The following KIF5A variants were observed in gnomAD, a reference collection of about 807,000 sequenced individuals.
The protein encoded by KIF5A is kinesin family member 5A.
A neutral mutation model predicts 141.3 loss-of-function variants in KIF5A; 35 were observed. That is an observed-to-expected ratio of 0.25 (90% CI 0.19 to 0.33). The LOEUF (loss-of-function observed/expected upper bound fraction) is 0.33, where lower values mean the gene tolerates loss of function less well. KIF5A is among the 10% of genes least tolerant of loss of function. The probability of loss-of-function intolerance (pLI) is 1.00; values close to 1 mark genes in which losing one functional copy is unlikely to be tolerated. For synonymous variants in KIF5A, 448 were observed against 500.2 expected (o/e 0.90, Z 1.39); for missense variants, 861 against 1,314.3 (o/e 0.66, Z 5.33).
At chr12:57,558,660 C>T (rs2140155862) in intron 1 of KIF5A, among the ~76,000 whole-genome samples, 1 of 152,342 alleles carries the variant, frequency 6.6e-6, no homozygotes, top group Admixed American at 6.5e-5. Context: ...GGCGACAGAG[C>T]AAGACTCTTG....
At chr12:57,569,502 T>A (rs753310506) in intron 10 of KIF5A, 33 bp from the exon 11 acceptor site, 10 of 1,614,014 alleles carry the variant, frequency 6.2e-6, no homozygotes, top group Non-Finnish European at 8.5e-6. Flanking sequence ...CTCATGTTGC[T>A]CTCATTTCTT....
rs2140159703 is a variant in KIF5A, at chr12:57,564,979, A to C, written c.501+6A>C. On this transcript the variant is annotated splice_donor_region_variant and intron_variant, in intron 6 of 28. Transcript: ENST00000455537. ...ACCGGGTGCCATTTGTCAAGGTGAGAGTGGGTGTGGGGCACCTATGTGGGG... is the reference window on the plus strand; with the variant it reads ...ACCGGGTGCCATTTGTCAAGGTGAGCGTGGGTGTGGGGCACCTATGTGGGG... 3.1e-6 allele frequency: 5 copies of C among 1,613,860 alleles called. No homozygotes were observed. The highest frequency in any genetic ancestry group is 3.4e-6 in the Non-Finnish European group (4 of 1,179,762).
At chr12:57,563,584 T>C in intron 2 of KIF5A, 36 bp from the exon 3 acceptor site, 1 of 1,611,016 alleles carries the variant, frequency 6.2e-7, no homozygotes, top group Non-Finnish European at 8.5e-7. Context: ...ACCCGACCTA[T>C]CTCCACCAGT....
At chr12:57,576,682 A>AAGTTTGAAG (rs1312298538) in intron 19 of KIF5A, 79 bp from the exon 20 acceptor site, 1 of 1,042,130 alleles carries the variant, frequency 9.6e-7, no homozygotes, top group African/African-American at 1.6e-5. Context: ...AAAAAGGAAG[A>AAGTTTGAAG]AGTTTGAAGA....
intron 1 of KIF5A, among the ~76,000 whole-genome samples, chr12:57,551,871 GGTCTCT>G (rs1881583531): frequency 8.3e-6 from 1 of 119,810 alleles, no homozygotes; most frequent in Non-Finnish European, 1.7e-5. Flanking sequence ...GGATGCTTTT[GGTCTCT>G]CTCTCTCTCT....
chr12:57,568,944 T>C lies in KIF5A; in HGVS notation c.715-19T>C. ...ATGTGCAGCTGCTCATACACACTCA[T>C]CTCTTACTGCCCTGGTAGGTCAGCA... On this transcript the variant is annotated intron_variant, in intron 8 of 28. Transcript: ENST00000455537. 6.3e-7 allele frequency: 1 copy of C among 1,585,086 alleles called. No individual in the cohort carries two copies. Among genetic ancestry groups the C allele is most frequent in the Non-Finnish European group, 8.7e-7 (1 of 1,154,538 alleles).
intron 8 of KIF5A, among the ~76,000 whole-genome samples, chr12:57,568,639 C>T (rs1329637008): frequency 3.3e-5 from 5 of 152,012 alleles, no homozygotes; most frequent in African/African-American, 4.8e-5. Flanking sequence ...GCAGGATAAC[C>T]GCTTGAACCT....
intron 19 of KIF5A, 51 bp downstream of exon 19, chr12:57,576,429 C>T: frequency 2.2e-6 from 3 of 1,360,854 alleles, no homozygotes; most frequent in Non-Finnish European, 3.1e-6. Context: ...TGTCACCTTG[C>T]TGTATTGACT....
chr12:57,568,586 G>T (rs1023609461), intron 8 of KIF5A, among the ~76,000 whole-genome samples: 1 of 152,104 alleles, frequency 6.6e-6, no homozygotes, highest in Admixed American at 6.5e-5. Context: ...TTAGCTGGGC[G>T]TGGTGGCACA....
rs771938131 is a variant in KIF5A at position 57,572,651 on chromosome 12, T to G, written c.1641T>G (p.Ile547Met). 1 of 1,614,196 alleles carries G rather than the reference T, an allele frequency of 6.2e-7. No individual in the cohort carries two copies. The highest frequency in any genetic ancestry group is 8.5e-7 in the Non-Finnish European group (1 of 1,180,042). ...QEVSGHQRKR[I>M]AEVLNGLMKD... The stretch of plus-strand genomic sequence containing the variant: ...TCAGTGGACACCAGCGAAAACGAAT[T>G]GCTGAGGTGCTGAACGGGCTGATGA... The change falls in exon 15 of 29, where the codon ATT (isoleucine) becomes ATG (methionine). Residue 547 changes from isoleucine (I) to methionine (M), a missense_variant. Coordinates refer to ENST00000455537, the MANE Select transcript of KIF5A (RefSeq NM_004984.4). This position sits in a 1 kb window ranked among gnomAD's most constrained non-coding sequence, Gnocchi z 4.2.
chr12:57,567,674 T>C, intron 8 of KIF5A, 56 bp downstream of exon 8: 2 of 1,524,778 alleles, frequency 1.3e-6, no homozygotes, highest in South Asian at 2.5e-5. Flanking sequence ...TTTTTTTTTT[T>C]TTTTGAGACA....
Position 57,583,083 on chromosome 12 carries a change from G to T in KIF5A, c.3021-18G>T, listed in dbSNP as rs768178863. ...TTTAATTTCTATGGAGCTGATCATG[G>T]TGGGTCTCTTCCTCCAGGAGTGACC... is the stretch of plus-strand genomic sequence containing the variant. On this transcript the variant is annotated intron_variant, in intron 27 of 28. Coordinates refer to ENST00000455537, the MANE Select transcript of KIF5A (RefSeq NM_004984.4). 2 of 1,605,840 alleles carry T rather than the reference G, an allele frequency of 1.2e-6. No individual in the cohort carries two copies. The highest frequency in any genetic ancestry group is 1.1e-5 in the South Asian group (1 of 90,716).
intron 18 of KIF5A, 42 bp from the exon 19 acceptor site, chr12:57,576,227 C>G: frequency 2.5e-6 from 4 of 1,610,852 alleles, no homozygotes; most frequent in Non-Finnish European, 3.4e-6. Context: ...GAGCTTGTTG[C>G]TGGGAGTCTG....
rs763226331 is a variant in KIF5A, at chr12:57,550,420, G to A, written c.129+20G>A. The A allele has an allele frequency of 5.0e-6, 8 of 1,613,698 alleles. No homozygotes were observed. Among genetic ancestry groups the A allele is most frequent in the Middle Eastern group, 3.3e-4 (2 of 6,040 alleles). On this transcript the variant is annotated intron_variant, in intron 1 of 28. Transcript: ENST00000455537. The surrounding 1 kb of genome is among the most constrained non-coding windows in gnomAD (Gnocchi z 4.6). ...ATTGGGGTGAGTGTCGCCCAGGAGG[G>A]AATTCGGGGAGGGGGCAGGTGGCTG...
intron 8 of KIF5A, 28 bp downstream of exon 8, chr12:57,567,646 G>T: frequency 6.3e-7 from 1 of 1,586,128 alleles, no homozygotes; most frequent in Non-Finnish European, 8.5e-7. Flanking sequence ...TATGGGGTGG[G>T]TGGAAGCCTT....
chr12:57,586,166 G>A lies in KIF5A; in HGVS notation c.*1985G>A, dbSNP rs8873. ...TGTCTCCAGACCCACTAGGGTGGAA[G>A]GAAGGTTCCTGTGGGCCTGTGGACT... On this transcript the variant is annotated 3_prime_UTR_variant, in exon 29 of 29. Transcript: ENST00000455537. The A allele has an allele frequency of 0.18, 27,042 of 152,070 alleles. 2,632 individuals carry two copies. Among genetic ancestry groups the A allele is most frequent in the East Asian group, 0.22 (1,129 of 5,168 alleles). 9.4% of individuals were successfully genotyped at this position (152,070 alleles called of 1,614,324 possible). A position where few individuals can be genotyped will look rare whatever the true frequency, so the allele number is the denominator to read the frequency against.
intron 24 of KIF5A, 110 bp downstream of exon 24, chr12:57,581,282 C>A: frequency 6.7e-7 from 1 of 1,497,694 alleles, no homozygotes; most frequent in Non-Finnish European, 9.2e-7. Flanking sequence ...TAGCCTCATC[C>A]CACTTCCCCC....
chr12:57,577,765 G>A lies in KIF5A; in HGVS notation c.2353G>A (p.Glu785Lys). ...CAAGCAGGACCTCAAGGGTCTGGAG[G>A]AGACAGTTGTGAGTGGTTCCCTTCT... ...QSKQDLKGLEETVARELQTLH... is the reference protein window; with the variant it reads ...QSKQDLKGLEKTVARELQTLH... The change falls in exon 21 of 29, where the codon GAG (glutamate) becomes AAG (lysine). Residue 785 changes from glutamate (E) to lysine (K), a missense_variant. Coordinates refer to ENST00000455537, the MANE Select transcript of KIF5A (RefSeq NM_004984.4). 1.9e-6 allele frequency: 3 copies of A among 1,613,654 alleles called. No individual in the cohort carries two copies. The highest frequency in any genetic ancestry group is 1.7e-6 in the Non-Finnish European group (2 of 1,179,568).
chr12:57,565,688 G>A lies in KIF5A; in HGVS notation c.501+715G>A, dbSNP rs112675284. Among the ~76,000 whole-genome samples, 1,039 of 143,444 alleles carry A rather than the reference G, an allele frequency of 7.2e-3. 7 individuals are homozygous for A. Among genetic ancestry groups the A allele is most frequent in the Non-Finnish European group, 0.013 (832 of 66,444 alleles). The allele number at this position is 143,444 out of a possible 152,430, so 94.1% of individuals were successfully genotyped here. On this transcript the variant is annotated intron_variant, in intron 6 of 28. Transcript: ENST00000455537. Reference sequence around the variant, plus strand: ...TGCCCAGGCTGGAGTGCAGTGGCTCGACCTAGGGTCACTGCAACCTCCCTG... The same window carrying A: ...TGCCCAGGCTGGAGTGCAGTGGCTCAACCTAGGGTCACTGCAACCTCCCTG...
Sources: gnomAD v4.1 joint callset for allele counts (sites outside exome capture counted in the v4.1 genomes callset) on GRCh38, gnomAD v4.1.1 for gene constraint, Gnocchi (gnomAD v3.1) non-coding constraint, MANE v1.5 for transcripts, NCBI Gene and HGNC (gene_info 2026-07-23, HGNC 2026-07-21) for gene names.